LRP1B: variants seen among roughly 807,000 people sequenced by gnomAD.
LRP1B encodes low-density lipoprotein receptor-related protein 1B.
LRP1B carries 217 observed loss-of-function variants against 556.6 expected under a neutral mutation model. The observed-to-expected ratio is 0.39, with a 90% CI of 0.35 to 0.44. The LOEUF is 0.44. Ranked by LOEUF, LRP1B falls within the 20% of genes least tolerant of loss-of-function variation. LRP1B has a pLI of 1.00. For missense variants in LRP1B, 5,053 were observed against 5,620.8 expected (o/e 0.90, Z 3.23); for synonymous variants, 2,047 against 1,865.8 (o/e 1.10, Z -2.50).
chr2:140,345,663 TATATATATATAG>T (rs1273462294), intron 77 of LRP1B, among the ~76,000 whole-genome samples: 1 of 144,552 alleles, frequency 6.9e-6, no homozygotes, highest in East Asian at 2.0e-4. Context: ...TGTGTGTGTA[TATATATATATAG>T]ATATATATAT....
chr2:140,780,783 T>C (rs1689670430), intron 32 of LRP1B, among the ~76,000 whole-genome samples: 1 of 152,158 alleles, frequency 6.6e-6, no homozygotes, highest in Non-Finnish European at 1.5e-5. Context: ...AAAAAGATTT[T>C]TCTGATTGCA....
intron 53 of LRP1B, among the ~76,000 whole-genome samples, chr2:140,506,401 G>C (rs1689413914): frequency 6.6e-6 from 1 of 151,700 alleles, no homozygotes. Context: ...TGGCCACCAT[G>C]CCTGACGAAT....
chr2:141,644,491 T>C (rs937780992), intron 2 of LRP1B, among the ~76,000 whole-genome samples: 3 of 152,120 alleles, frequency 2.0e-5, no homozygotes, highest in African/African-American at 7.2e-5. Flanking sequence ...TTATCAGCAG[T>C]GTGAAAACGG....
At chr2:141,814,250 G>A (rs1696457962) in intron 1 of LRP1B, among the ~76,000 whole-genome samples, 1 of 152,064 alleles carries the variant, frequency 6.6e-6, no homozygotes, top group African/African-American at 2.4e-5. Context: ...TCACAGAGTG[G>A]GTGTTTCCAT....
At chr2:141,535,916 T>A (rs902265936) in intron 2 of LRP1B, among the ~76,000 whole-genome samples, 1 of 152,144 alleles carries the variant, frequency 6.6e-6, no homozygotes, top group Non-Finnish European at 1.5e-5. Context: ...TTATTTACTT[T>A]ATCAACATTG....
At chr2:141,779,589 G>A (rs949143058) in intron 2 of LRP1B, among the ~76,000 whole-genome samples, 1 of 151,728 alleles carries the variant, frequency 6.6e-6, no homozygotes, top group African/African-American at 2.4e-5. Context: ...GCTAATTTTT[G>A]TATTTTTAGT....
At chr2:140,628,956 G>T (rs1683533) in intron 41 of LRP1B, among the ~76,000 whole-genome samples, 149,494 of 152,250 alleles carry the variant, frequency 0.98, 73,454 homozygotes, top group Middle Eastern at 1. Flanking sequence ...GATTGTAAGT[G>T]TCCTGAGGCC....
intron 3 of LRP1B, among the ~76,000 whole-genome samples, chr2:141,389,101 A>G (rs1167272862): frequency 2.0e-5 from 3 of 152,180 alleles, no homozygotes. Flanking sequence ...AATTCCAACA[A>G]GCTTTTTTAC....
intron 54 of LRP1B, 41 bp downstream of exon 54, chr2:140,502,922 A>G (rs769688549): frequency 1.9e-6 from 3 of 1,597,148 alleles, no homozygotes; most frequent in South Asian, 1.1e-5. Context: ...TTCCATTGAA[A>G]ACACTTTAGA....
intron 1 of LRP1B, among the ~76,000 whole-genome samples, chr2:142,029,038 C>T (rs769397456): frequency 6.6e-6 from 1 of 151,800 alleles, no homozygotes; most frequent in Non-Finnish European, 1.5e-5. Context: ...TCCACTTTTT[C>T]ATTCCCTTAC....
intron 62 of LRP1B, among the ~76,000 whole-genome samples, chr2:140,450,899 C>T (rs1449299621): frequency 6.6e-6 from 1 of 152,138 alleles, no homozygotes; most frequent in Admixed American, 6.5e-5. Context: ...CAATCTCTCA[C>T]ATTTACATGT....
At chr2:140,470,644 CAAAAAAAAAAAAA>C (rs35981828) in intron 60 of LRP1B, among the ~76,000 whole-genome samples, 1 of 58,544 alleles carries the variant, frequency 1.7e-5, no homozygotes, top group Non-Finnish European at 2.8e-5. Context: ...GACTCTGTCT[CAAAAAAAAAAAAA>C]AAAAAAAAAA....
intron 2 of LRP1B, among the ~76,000 whole-genome samples, chr2:141,616,474 A>T (rs559590444): frequency 7.2e-4 from 109 of 152,282 alleles, no homozygotes; most frequent in African/African-American, 2.6e-3. Context: ...CAATTAGTTT[A>T]AAATTCTCTC....
intron 1 of LRP1B, among the ~76,000 whole-genome samples, chr2:141,865,318 C>G (rs555242808): frequency 6.6e-6 from 1 of 152,146 alleles, no homozygotes; most frequent in African/African-American, 2.4e-5. Context: ...AATGGCCGGG[C>G]GCGGTGGCTC....
intron 6 of LRP1B, among the ~76,000 whole-genome samples, chr2:141,227,793 G>A (rs944169456): frequency 4.6e-5 from 7 of 151,828 alleles, no homozygotes; most frequent in Non-Finnish European, 1.0e-4. Flanking sequence ...TTTACATAAG[G>A]GTTAATACCC....
chr2:141,280,583 G>C (rs1372377311), intron 3 of LRP1B, among the ~76,000 whole-genome samples: 1 of 151,842 alleles, frequency 6.6e-6, no homozygotes, highest in Non-Finnish European at 1.5e-5. Context: ...GATTTATATA[G>C]TCTTATTTAG....
chr2:140,465,225 A>G (rs975191970), intron 60 of LRP1B, among the ~76,000 whole-genome samples: 1 of 152,122 alleles, frequency 6.6e-6, no homozygotes, highest in Admixed American at 6.6e-5. Flanking sequence ...AATGACCACT[A>G]TCATGAAGAC....
chr2:142,039,131 AT>A (rs1042215426), intron 1 of LRP1B, among the ~76,000 whole-genome samples: 36 of 151,676 alleles, frequency 2.4e-4, no homozygotes, highest in African/African-American at 8.7e-4. Context: ...CCCACAGCTC[AT>A]CATGAAAAGT....
intron 6 of LRP1B, among the ~76,000 whole-genome samples, chr2:141,198,815 C>T (rs1468669868): frequency 1.3e-5 from 2 of 152,112 alleles, no homozygotes; most frequent in Admixed American, 1.3e-4. Context: ...TATTCTTACT[C>T]GATCCACAAA....
Sources: allele counts gnomAD v4.1 joint callset (sites outside exome capture counted in the v4.1 genomes callset), GRCh38; gene constraint gnomAD v4.1.1; transcripts MANE v1.5; gene names NCBI Gene and HGNC (gene_info 2026-07-23, HGNC 2026-07-21).